WDFY2: variants seen among roughly 807,000 people sequenced by gnomAD.
The protein encoded by WDFY2 is WD repeat and FYVE domain-containing protein 2.
WDFY2 carries 36 observed loss-of-function variants against 56.4 expected under a neutral mutation model. That is an observed-to-expected ratio of 0.64 (90% CI 0.49 to 0.84). The LOEUF is 0.84. WDFY2 is among the 40% of genes least tolerant of loss of function. The pLI, the probability that WDFY2 is intolerant of heterozygous loss-of-function variation, is 0.00. For synonymous variants in WDFY2, 176 were observed against 183.7 expected (o/e 0.96, Z 0.34); for missense variants, 444 against 512.2 (o/e 0.87, Z 1.29).
At chr13:51,634,515 G>C (rs183011878) in intron 1 of WDFY2, among the ~76,000 whole-genome samples, 1 of 152,266 alleles carries the variant, frequency 6.6e-6, no homozygotes, top group Admixed American at 6.5e-5. Flanking sequence ...TTAGCACTAA[G>C]ATTGGAAAAG....
intron 6 of WDFY2, among the ~76,000 whole-genome samples, chr13:51,737,088 C>G (rs1275050934): frequency 6.6e-6 from 1 of 152,206 alleles, no homozygotes; most frequent in East Asian, 1.9e-4. Flanking sequence ...TCTAGCCCCC[C>G]AGTTGGAGTG....
chr13:51,690,352 C>A (rs1310024398), intron 3 of WDFY2, among the ~76,000 whole-genome samples: 1 of 118,426 alleles, frequency 8.4e-6, no homozygotes, highest in Non-Finnish European at 1.7e-5. Flanking sequence ...CCCCTCCCCC[C>A]ACCCCATAAC....
chr13:51,762,736 A>C lies in WDFY2; in HGVS notation c.*2967A>C, dbSNP rs1309927744. 6.6e-6 allele frequency: 1 copy of C among 152,194 alleles called. No individual in the cohort carries two copies. The highest frequency in any genetic ancestry group is 1.5e-5 in the Non-Finnish European group (1 of 68,026). 9.4% of individuals were successfully genotyped at this position (152,194 alleles called of 1,614,324 possible). A position where few individuals can be genotyped will look rare whatever the true frequency, so the allele number is the denominator to read the frequency against. On this transcript the variant is annotated 3_prime_UTR_variant, in exon 12 of 12. Transcript: ENST00000298125. ...TTTTACCCTGTTGGATTTGCACTTT[A>C]CATATATTTTTGCTCTATTACTTAA...
At chr13:51,731,284 C>T (rs1469629816) in intron 6 of WDFY2, among the ~76,000 whole-genome samples, 1 of 152,154 alleles carries the variant, frequency 6.6e-6, no homozygotes, top group African/African-American at 2.4e-5. Context: ...GTATTGTTGC[C>T]TCCAGGTCAG....
At position 51,758,300 on chromosome 13, in the gene WDFY2, G is replaced by A; in HGVS notation, c.1173G>A (p.Lys391=). The part of the protein sequence containing the change: ...LLTSGTDKVI[K]LWDMTPVVS ...CTTCTGGAACTGACAAGGTTATTAAGGTAAGATGCCATCTTATTAAGAAGC... is the reference window on the plus strand; with the variant it reads ...CTTCTGGAACTGACAAGGTTATTAAAGTAAGATGCCATCTTATTAAGAAGC... Residue 391 remains lysine (K), a splice_region_variant and synonymous_variant, in exon 11 of 12, where the codon AAG becomes AAA. Coordinates refer to ENST00000298125, the MANE Select transcript of WDFY2 (RefSeq NM_052950.4). 6 of 1,579,218 alleles carry A rather than the reference G, an allele frequency of 3.8e-6. No homozygotes were observed. The highest frequency in any genetic ancestry group is 5.2e-6 in the Non-Finnish European group (6 of 1,153,072).
intron 1 of WDFY2, among the ~76,000 whole-genome samples, chr13:51,647,828 T>C (rs1955289598): frequency 2.0e-5 from 3 of 151,270 alleles, no homozygotes; most frequent in Admixed American, 6.6e-5. Context: ...CAATGTTGAC[T>C]GAAACATTGT....
intron 2 of WDFY2, among the ~76,000 whole-genome samples, chr13:51,663,427 T>G (rs2138466647): frequency 6.6e-6 from 1 of 152,254 alleles, no homozygotes; most frequent in East Asian, 1.9e-4. Flanking sequence ...TCAAGATGAT[T>G]TCTCTTGAAA....
chr13:51,646,889 G>A (rs1237615967), intron 1 of WDFY2, among the ~76,000 whole-genome samples: 1 of 152,196 alleles, frequency 6.6e-6, no homozygotes, highest in Non-Finnish European at 1.5e-5. Context: ...TCTTATCTGT[G>A]GGTTCTGCAT....
At chr13:51,706,748 G>A (rs1423078010) in intron 4 of WDFY2, among the ~76,000 whole-genome samples, 1 of 152,180 alleles carries the variant, frequency 6.6e-6, no homozygotes, top group Non-Finnish European at 1.5e-5. Context: ...GCTCTTTTCA[G>A]TTAGACGAAT....
chr13:51,605,923 A>G (rs962362183), intron 1 of WDFY2, among the ~76,000 whole-genome samples: 1 of 152,176 alleles, frequency 6.6e-6, no homozygotes, highest in South Asian at 2.1e-4. Flanking sequence ...TTTCATTGTC[A>G]CTGTATGAGA....
At chr13:51,621,699 A>G (rs374933231) in intron 1 of WDFY2, among the ~76,000 whole-genome samples, 4 of 152,188 alleles carry the variant, frequency 2.6e-5, no homozygotes, top group East Asian at 1.9e-4. Flanking sequence ...AAAGAATGCA[A>G]TGTGATACTG....
intron 1 of WDFY2, among the ~76,000 whole-genome samples, chr13:51,619,496 A>T (rs1339984989): frequency 8.9e-4 from 135 of 152,088 alleles, no homozygotes; most frequent in Non-Finnish European, 2.2e-4. Flanking sequence ...TCCATCCCCT[A>T]TTTAAATTTA....
In WDFY2 at chr13:51,739,175, A is replaced by C. The variant is rs1952909193; in HGVS notation, c.725A>C (p.Asn242Thr). Residue 242 changes from asparagine (N) to threonine (T), a missense_variant and splice_region_variant, in exon 7 of 12, where the codon AAC becomes ACC. By Grantham distance (65) the Asn-to-Thr change is moderately conservative. Coordinates refer to ENST00000298125, the MANE Select transcript of WDFY2 (RefSeq NM_052950.4). ...KGTAIELQGH[N>T]DRVQALSYAQ... ...ACAGCCATCGAGCTCCAAGGACACA[A>C]GTAAGGTTGCTGGTGCTTTCATAAA... 2 of 1,583,656 alleles carry C rather than the reference A, an allele frequency of 1.3e-6. No individual in the cohort carries two copies. Among genetic ancestry groups the C allele is most frequent in the Admixed American group, 1.8e-5 (1 of 55,272 alleles).
At chr13:51,649,189 C>T (rs1352841847) in intron 1 of WDFY2, among the ~76,000 whole-genome samples, 4 of 152,168 alleles carry the variant, frequency 2.6e-5, no homozygotes, top group Admixed American at 6.5e-5. Flanking sequence ...TGCTGAACTG[C>T]TTGAGACCGA....
chr13:51,703,694 A>G, intron 4 of WDFY2, 44 bp downstream of exon 4: 1 of 1,520,898 alleles, frequency 6.6e-7, no homozygotes, highest in East Asian at 2.3e-5. Context: ...ATTCTAAAAT[A>G]CTTCTTGGTG....
intron 3 of WDFY2, among the ~76,000 whole-genome samples, chr13:51,695,875 G>T (rs1307998425): frequency 6.6e-6 from 1 of 152,234 alleles, no homozygotes; most frequent in Non-Finnish European, 1.5e-5. Context: ...AGCAAGCCTG[G>T]ACAATGGTGG....
At chr13:51,694,575 T>G (rs980261080) in intron 3 of WDFY2, among the ~76,000 whole-genome samples, 10 of 152,212 alleles carry the variant, frequency 6.6e-5, no homozygotes, top group Non-Finnish European at 1.2e-4. Flanking sequence ...GGGCTTCCCT[T>G]TGTGGGTAAC....
intron 4 of WDFY2, among the ~76,000 whole-genome samples, chr13:51,708,122 T>G (rs1952127233): frequency 6.6e-6 from 1 of 151,606 alleles, no homozygotes; most frequent in Non-Finnish European, 1.5e-5. Context: ...ATATTTGCGA[T>G]CCACCTGCCT....
In WDFY2 at chr13:51,759,812, C is replaced by G; in HGVS notation, c.*43C>G. On this transcript the variant is annotated 3_prime_UTR_variant, in exon 12 of 12. Transcript: ENST00000298125. ...AGAAAGATAGTATTTACTAAAGAAA[C>G]GGTTGTTTTAACCCAAATCATTACC... 1.2e-6 allele frequency: 2 copies of G among 1,604,526 alleles called. No homozygotes were observed. Among genetic ancestry groups the G allele is most frequent in the Non-Finnish European group, 1.7e-6 (2 of 1,172,764 alleles).
Sources: gnomAD v4.1 joint callset for allele counts (sites outside exome capture counted in the v4.1 genomes callset) on GRCh38, gnomAD v4.1.1 for gene constraint, MANE v1.5 for transcripts, NCBI Gene and HGNC (gene_info 2026-07-23, HGNC 2026-07-21) for gene names.